Variants in KCNMA1 observed in about 807,000 individuals in gnomAD.
The protein encoded by KCNMA1 is potassium calcium-activated channel subfamily M alpha 1.
A neutral mutation model predicts 140.0 loss-of-function variants in KCNMA1; 29 were observed. The observed-to-expected ratio is 0.21, with a 90% CI of 0.15 to 0.28. The LOEUF (loss-of-function observed/expected upper bound fraction) is 0.28. Ranked by LOEUF, KCNMA1 falls within the 10% of genes least tolerant of loss-of-function variation. The pLI is 1.00. For synonymous variants in KCNMA1, 612 were observed against 611.9 expected (o/e 1.00, Z 0.00); for missense variants, 880 against 1,602.2 (o/e 0.55, Z 7.70).
intron 2 of KCNMA1, among the ~76,000 whole-genome samples, chr10:77,265,596 G>T (rs774582732): frequency 6.6e-6 from 1 of 152,068 alleles, no homozygotes; most frequent in African/African-American, 2.4e-5. Flanking sequence ...GGAGAAAACC[G>T]GCTGGAGCTC....
intron 2 of KCNMA1, among the ~76,000 whole-genome samples, chr10:77,368,919 C>T (rs1466134050): frequency 1.3e-5 from 2 of 152,214 alleles, no homozygotes; most frequent in Non-Finnish European, 2.9e-5. Flanking sequence ...CAATATGACA[C>T]TGTCTTGATT....
intron 1 of KCNMA1, among the ~76,000 whole-genome samples, chr10:77,580,356 G>A (rs1003138746): frequency 6.7e-6 from 1 of 148,326 alleles, no homozygotes; most frequent in Non-Finnish European, 1.5e-5. Context: ...ACTCCAGCCT[G>A]GACAACAGAG....
At chr10:77,392,139 G>C (rs932098756) in intron 2 of KCNMA1, among the ~76,000 whole-genome samples, 1 of 138,650 alleles carries the variant, frequency 7.2e-6, no homozygotes, top group Non-Finnish European at 1.6e-5. Context: ...GGCGAGGAAG[G>C]AAGGGAGGGA....
At chr10:76,911,965 G>A (rs1385166078) in intron 24 of KCNMA1, 1 of 152,214 alleles carries the variant, frequency 6.6e-6, no homozygotes, top group African/African-American at 2.4e-5. Context: ...ATGGGGAAGG[G>A]TTGGTACCAG....
chr10:77,079,287 A>G (rs1212255276), intron 13 of KCNMA1, among the ~76,000 whole-genome samples, 194 bp downstream of exon 13: 1 of 152,092 alleles, frequency 6.6e-6, no homozygotes. Flanking sequence ...AAAGAAAGAA[A>G]GAAAGAAATG....
intron 1 of KCNMA1, among the ~76,000 whole-genome samples, chr10:77,413,782 T>C (rs12219105): frequency 0.15 from 22,407 of 152,186 alleles, 1,671 homozygotes; most frequent in Middle Eastern, 0.22. Context: ...CACTGATTAA[T>C]TCACCTAGCA....
Position 77,001,396 on chromosome 10 carries a change from G to A in KCNMA1, c.2266+11C>T. 1.3e-6 allele frequency: 2 copies of A among 1,550,940 alleles called. No individual in the cohort carries two copies. Among genetic ancestry groups the A allele is most frequent in the Non-Finnish European group, 1.7e-6 (2 of 1,146,344 alleles). On this transcript the variant is annotated intron_variant, in intron 19 of 27. Transcript: ENST00000286628. ...CAAACATGGAACTACGTGTGTTGAG[G>A]TTAAACTTACAGGCACGGAAACTGG...
At chr10:76,961,002 C>A (rs1163595121) in intron 20 of KCNMA1, among the ~76,000 whole-genome samples, 1 of 151,794 alleles carries the variant, frequency 6.6e-6, no homozygotes, top group Non-Finnish European at 1.5e-5. Context: ...AGAACAACTA[C>A]CATTCTGTAG....
chr10:77,515,665 T>C (rs2050134422), intron 1 of KCNMA1, among the ~76,000 whole-genome samples: 1 of 152,166 alleles, frequency 6.6e-6, no homozygotes, highest in African/African-American at 2.4e-5. Flanking sequence ...ACCTTGCTGG[T>C]GCCATTTCCC....
chr10:77,412,494 G>A (rs1355578909), intron 1 of KCNMA1, among the ~76,000 whole-genome samples: 1 of 152,190 alleles, frequency 6.6e-6, no homozygotes, highest in Non-Finnish European at 1.5e-5. Flanking sequence ...GGGGCAGGGG[G>A]AAGCCTTCTG....
chr10:77,636,705 C>T lies in KCNMA1; in HGVS notation c.378+560G>A, dbSNP rs12217221. 0.22 allele frequency: 332,536 copies of T among 1,522,790 alleles called. 38,202 individuals carry two copies. Among genetic ancestry groups the T allele is most frequent in the Non-Finnish European group, 0.24 (272,580 of 1,140,244 alleles). The allele number at this position is 1,522,790 out of a possible 1,614,324, so 94.3% of individuals were successfully genotyped here. ...GCCCCTCGAAGTCCCCCTGTTATCTCGGGCCATGCTCCTCCCCCGGGATTC... is the reference window on the plus strand; with the variant it reads ...GCCCCTCGAAGTCCCCCTGTTATCTTGGGCCATGCTCCTCCCCCGGGATTC... On this transcript the variant is annotated intron_variant, in intron 1 of 27. Transcript: ENST00000286628.
intron 15 of KCNMA1, among the ~76,000 whole-genome samples, chr10:77,030,429 C>T (rs2093847660): frequency 6.6e-6 from 1 of 152,188 alleles, no homozygotes; most frequent in South Asian, 2.1e-4. Context: ...TAAGTAACCA[C>T]TTTCTAATGT....
intron 3 of KCNMA1, among the ~76,000 whole-genome samples, chr10:77,235,991 A>C (rs993788236): frequency 6.6e-6 from 1 of 152,180 alleles, no homozygotes; most frequent in Non-Finnish European, 1.5e-5. Flanking sequence ...GGGGCTGACC[A>C]TGCCAGAAAG....
At chr10:77,223,277 G>C (rs1182030133) in intron 3 of KCNMA1, among the ~76,000 whole-genome samples, 5 of 152,004 alleles carry the variant, frequency 3.3e-5, no homozygotes, top group African/African-American at 1.2e-4. Context: ...CATAGTGGTT[G>C]TAGTTTTTGC....
rs894530347 is a variant in KCNMA1 at position 76,891,773 on chromosome 10, C to T, written c.3148-54G>A. 25 of 1,440,526 alleles carry T rather than the reference C, an allele frequency of 1.7e-5. No individual in the cohort carries two copies. The Admixed American group carries it at 3.0e-4, about 17-fold the overall frequency. 89.2% of individuals were successfully genotyped at this position (1,440,526 alleles called of 1,614,324 possible). On this transcript the variant is annotated intron_variant, in intron 25 of 27. Coordinates refer to ENST00000286628, the MANE Select transcript of KCNMA1 (RefSeq NM_001161352.2). ...GTCCTTTAAGCAAACACCCTAAAGT[C>T]ATGACAGCCGACATCCAAATTACAA...
At chr10:77,316,999 G>A (rs1169545996) in intron 2 of KCNMA1, among the ~76,000 whole-genome samples, 2 of 152,106 alleles carry the variant, frequency 1.3e-5, no homozygotes, top group African/African-American at 4.8e-5. Flanking sequence ...TTCATAAAAT[G>A]GGGACACTGG....
chr10:76,962,902 G>C (rs2072268272), intron 20 of KCNMA1, among the ~76,000 whole-genome samples: 1 of 152,114 alleles, frequency 6.6e-6, no homozygotes, highest in South Asian at 2.1e-4. Flanking sequence ...ATTTACCTCT[G>C]ATATCTTGCA....
At chr10:77,034,940 T>C (rs186082736) in intron 15 of KCNMA1, among the ~76,000 whole-genome samples, 18 of 152,230 alleles carry the variant, frequency 1.2e-4, no homozygotes, top group Non-Finnish European at 2.4e-4. Flanking sequence ...CACAGTGTTC[T>C]TGAGGCAGCC....
chr10:76,927,566 A>G lies in KCNMA1; in HGVS notation c.2903-12517T>C, dbSNP rs1156713340. ...AATGGATATGCAGGATAATAAAGTA[A>G]GCGATTAGCAGCATGCAAATGACAT... On this transcript the variant is annotated intron_variant, in intron 23 of 27. Coordinates refer to ENST00000286628, the MANE Select transcript of KCNMA1 (RefSeq NM_001161352.2). Among the ~76,000 whole-genome samples the G allele has an allele frequency of 2.0e-5, 3 of 152,248 alleles. No individual in the cohort carries two copies. In the East Asian group the frequency reaches 5.8e-4, roughly 29 times the overall value.
Sources: gnomAD v4.1 joint callset for allele counts (sites outside exome capture counted in the v4.1 genomes callset) on GRCh38, gnomAD v4.1.1 for gene constraint, MANE v1.5 for transcripts, NCBI Gene and HGNC (gene_info 2026-07-23, HGNC 2026-07-21) for gene names.